TF: variants seen among roughly 807,000 people sequenced by gnomAD.
The protein encoded by TF is transferrin.
In TF, 55 loss-of-function variants were observed where a neutral mutation model predicts 82.4. That is an observed-to-expected ratio of 0.67 (90% confidence interval 0.54 to 0.84). The LOEUF is 0.84. TF is among the 40% of genes least tolerant of loss of function. TF has a pLI of 0.00. For missense variants in TF, 737 were observed against 868.4 expected (o/e 0.85, Z 1.90); for synonymous variants, 332 against 332.6 (o/e 1.00, Z 0.02).
the TF span, among the ~76,000 whole-genome samples, chr3:133,728,682 T>C: frequency 6.6e-6 from 1 of 152,232 alleles, no homozygotes; most frequent in Admixed American, 6.5e-5. Flanking sequence ...TCCAGCTTTG[T>C]TCCGTTGCTG....
chr3:133,751,785 A>T (rs1933679033), intron 2 of TF, among the ~76,000 whole-genome samples: 1 of 152,014 alleles, frequency 6.6e-6, no homozygotes, highest in Admixed American at 6.5e-5. Context: ...TGAGGTCAGG[A>T]GTTTGAGACC....
the TF span, among the ~76,000 whole-genome samples, chr3:133,726,785 G>A: frequency 1.3e-5 from 2 of 152,032 alleles, no homozygotes; most frequent in East Asian, 1.9e-4. Context: ...GCTTTCTCTT[G>A]TGGGCATTTA....
At chr3:133,730,942 A>G in the TF span, among the ~76,000 whole-genome samples, 1 of 152,250 alleles carries the variant, frequency 6.6e-6, no homozygotes, top group South Asian at 2.1e-4. Flanking sequence ...TACACTTTAC[A>G]TATATGTACT....
chr3:133,773,018 G>A (rs1013681806), intron 14 of TF: 13 of 152,252 alleles, frequency 8.5e-5, no homozygotes, highest in Admixed American at 2.6e-4. Flanking sequence ...TTTGCGGTAT[G>A]ATTGAACCTG....
the TF span, among the ~76,000 whole-genome samples, chr3:133,722,299 T>C: frequency 1.3e-5 from 2 of 152,024 alleles, no homozygotes; most frequent in Non-Finnish European, 2.9e-5. Context: ...TTTCAGTCTA[T>C]GTTTGTCTTT....
At chr3:133,687,236 C>T in the TF span, among the ~76,000 whole-genome samples, 1 of 151,984 alleles carries the variant, frequency 6.6e-6, no homozygotes, top group African/African-American at 2.4e-5. Flanking sequence ...AGGAGATATA[C>T]CTAATGTAAA....
the TF span, among the ~76,000 whole-genome samples, chr3:133,679,569 CTTT>C: frequency 8.0e-5 from 6 of 75,386 alleles, no homozygotes; most frequent in Admixed American, 1.8e-4. Flanking sequence ...CTTTGTTTGG[CTTT>C]TTTTTTTTTT....
the TF span, among the ~76,000 whole-genome samples, chr3:133,677,020 C>A: frequency 1.3e-5 from 2 of 152,148 alleles, no homozygotes; most frequent in Non-Finnish European, 1.5e-5. Flanking sequence ...ACAGAAAATG[C>A]AAAGTAGCTT....
rs201267139 is a variant in TF, at chr3:133,753,690, T to A, written c.312T>A (p.Tyr104Ter). The change falls in exon 3 of 17, where the codon TAT becomes TAA. Residue 104 changes from tyrosine to a stop codon, truncating the protein, a stop_gained. Transcript: ENST00000402696. LOFTEE classifies it high-confidence loss of function. ...NNLKPVVAEFYGSKEDPQTFY... is the reference protein window; with the variant it reads ...NNLKPVVAEF ...TGAAGCCTGTGGTGGCAGAGTTCTA[T>A]GGGTCAAAAGAGGGTAAGTTCTCCC... 5.0e-6 allele frequency: 8 copies of A among 1,614,126 alleles called. No individual in the cohort carries two copies.
intron 14 of TF, among the ~76,000 whole-genome samples, chr3:133,771,764 A>AAAAAAG (rs1934266086): frequency 6.7e-6 from 1 of 150,014 alleles, no homozygotes; most frequent in African/African-American, 2.5e-5. Context: ...AAAAAAAAAA[A>AAAAAAG]AAGAATCAAT....
Position 133,748,563 on chromosome 3 carries a change from T to C in TF, c.195T>C (p.Leu65=), listed in dbSNP as rs544064945. Residue 65 remains leucine, a synonymous_variant, in exon 2 of 17, where the codon CTT becomes CTC. Coordinates refer to ENST00000402696, the MANE Select transcript of TF (RefSeq NM_001063.4). ...CTTGTGTGAAGAAAGCCTCCTACCT[T>C]GATTGCATCAGGGCCATTGCGGTAA... is the stretch of plus-strand genomic sequence containing the variant. ...SVACVKKASY[L]DCIRAIAANE... The C allele has an allele frequency of 6.8e-6, 11 of 1,614,056 alleles. No homozygotes were observed. The highest frequency in any genetic ancestry group is 6.6e-5 in the South Asian group (6 of 91,072).
At position 133,791,899 on chromosome 3, in the gene TF, C is replaced by T. The variant is rs189772737; in HGVS notation, c.*13279C>T. ...GCTTAATAATAATAAGAGCTTAAAT[C>T]AAATATTTTATCAGAAAAGTAAAAA... is the stretch of plus-strand genomic sequence containing the variant. On this transcript the variant is annotated 3_prime_UTR_variant, in exon 17 of 17. Coordinates refer to ENST00000402696, the MANE Select transcript of TF (RefSeq NM_001063.4). The T allele has an allele frequency of 6.6e-6, 1 of 152,086 alleles. No individual in the cohort carries two copies. Among genetic ancestry groups the T allele is most frequent in the African/African-American group, 2.4e-5 (1 of 41,390 alleles). 9.4% of individuals were successfully genotyped at this position (152,086 alleles called of 1,614,324 possible).
chr3:133,705,541 T>C, the TF span, among the ~76,000 whole-genome samples: 14 of 152,282 alleles, frequency 9.2e-5, no homozygotes, highest in African/African-American at 3.4e-4. Flanking sequence ...GGGGAGATTT[T>C]GGGATGGAAC....
rs1025756943 is a variant in TF, at chr3:133,787,419, C to A, written c.*8799C>A. 1.3e-5 allele frequency: 2 copies of A among 152,060 alleles called. No individual in the cohort carries two copies. Among genetic ancestry groups the A allele is most frequent in the Non-Finnish European group, 2.9e-5 (2 of 68,004 alleles). The allele number at this position is 152,060 out of a possible 1,614,324, so 9.4% of individuals were successfully genotyped here. ...AATTGTCATATTTAGAAGATACCTC[C>A]GATTATAGCCACTGATACATGTGCA... On this transcript the variant is annotated 3_prime_UTR_variant, in exon 17 of 17. Coordinates refer to ENST00000402696, the MANE Select transcript of TF (RefSeq NM_001063.4).
chr3:133,671,021 C>T, the TF span, among the ~76,000 whole-genome samples: 1 of 152,198 alleles, frequency 6.6e-6, no homozygotes, highest in Non-Finnish European at 1.5e-5. Flanking sequence ...CAGTTTTCTC[C>T]TTAAGATACT....
At chr3:133,716,488 G>C in the TF span, among the ~76,000 whole-genome samples, 1 of 151,836 alleles carries the variant, frequency 6.6e-6, no homozygotes, top group South Asian at 2.1e-4. Flanking sequence ...CCCATATCTC[G>C]TCCATCACCA....
chr3:133,755,918 T>C (rs1933814003), intron 5 of TF: 1 of 433,658 alleles, frequency 2.3e-6, no homozygotes, highest in East Asian at 4.6e-5. Context: ...GGAAGCTGAT[T>C]TCTTGCTTTC....
chr3:133,673,156 T>G, the TF span, among the ~76,000 whole-genome samples: 3 of 152,220 alleles, frequency 2.0e-5, no homozygotes, highest in African/African-American at 7.2e-5. Context: ...CCTGCAGTGA[T>G]GCATCCCTAA....
the TF span, among the ~76,000 whole-genome samples, chr3:133,720,074 G>C: frequency 6.6e-6 from 1 of 151,900 alleles, no homozygotes; most frequent in Admixed American, 6.6e-5. Context: ...TTTCCAAATC[G>C]GATGCCTTTT....
Sources: allele counts gnomAD v4.1 joint callset (sites outside exome capture counted in the v4.1 genomes callset), GRCh38; gene constraint gnomAD v4.1.1; transcripts MANE v1.5; gene names NCBI Gene and HGNC (gene_info 2026-07-23, HGNC 2026-07-21).